The following RANBP2 variants were observed in gnomAD, a reference collection of about 807,000 sequenced individuals.
RANBP2 encodes RAN binding protein 2, also known as E3 SUMO-protein ligase RanBP2.
In RANBP2, 57 loss-of-function variants were observed where a neutral mutation model predicts 303.6. The observed-to-expected ratio is 0.19, with a 90% CI of 0.15 to 0.23. The LOEUF (loss-of-function observed/expected upper bound fraction) is 0.23. RANBP2 is among the 10% of genes least tolerant of loss of function. RANBP2 has a pLI of 1.00. For missense variants in RANBP2, 3,138 were observed against 3,780.8 expected (o/e 0.83, Z 4.46); for synonymous variants, 1,167 against 1,301.5 (o/e 0.90, Z 2.23).
the RANBP2 span, among the ~76,000 whole-genome samples, chr2:109,001,218 G>C: frequency 1.3e-5 from 2 of 152,198 alleles, no homozygotes; most frequent in South Asian, 4.1e-4. Flanking sequence ...TCCTGAGGCT[G>C]AGCTCCAGAC....
At chr2:109,477,452 T>C in the RANBP2 span, among the ~76,000 whole-genome samples, 1 of 152,214 alleles carries the variant, frequency 6.6e-6, no homozygotes, top group Admixed American at 6.5e-5. Context: ...GAAACGGGCA[T>C]AGAGTTCTCC....
chr2:109,336,369 A>C, the RANBP2 span, among the ~76,000 whole-genome samples: 1 of 152,376 alleles, frequency 6.6e-6, no homozygotes, highest in African/African-American at 2.4e-5. Context: ...AATTTCTCAC[A>C]GATAGAACAG....
At chr2:108,856,675 T>G in the RANBP2 span, 1 of 901,312 alleles carries the variant, frequency 1.1e-6, no homozygotes. Flanking sequence ...TGATCTCTTA[T>G]TTAATTTTTG....
At chr2:109,228,384 T>C in the RANBP2 span, among the ~76,000 whole-genome samples, 1 of 152,202 alleles carries the variant, frequency 6.6e-6, no homozygotes, top group African/African-American at 2.4e-5. Flanking sequence ...TGTCACCCTG[T>C]AGAGGAAAAC....
the RANBP2 span, among the ~76,000 whole-genome samples, chr2:109,383,874 C>CA: frequency 6.6e-6 from 1 of 152,180 alleles, no homozygotes; most frequent in Non-Finnish European, 1.5e-5. Flanking sequence ...AGTAATTTCT[C>CA]ATCCCTCAGC....
At chr2:109,370,196 T>G in the RANBP2 span, among the ~76,000 whole-genome samples, 1 of 60,284 alleles carries the variant, frequency 1.7e-5, no homozygotes, top group South Asian at 7.6e-4. Context: ...TGGTGGTCTC[T>G]GTCTCTGTCT....
At chr2:109,210,005 T>C in the RANBP2 span, among the ~76,000 whole-genome samples, 8 of 152,384 alleles carry the variant, frequency 5.2e-5, no homozygotes, top group African/African-American at 1.9e-4. Context: ...ACCTCTGTTA[T>C]ACTTTCTGTC....
the RANBP2 span, among the ~76,000 whole-genome samples, chr2:108,897,911 A>G: frequency 6.6e-6 from 1 of 152,208 alleles, no homozygotes; most frequent in Non-Finnish European, 1.5e-5. Flanking sequence ...CAGACCAACT[A>G]GGGACCTCGA....
the RANBP2 span, among the ~76,000 whole-genome samples, chr2:108,949,503 A>G: frequency 6.6e-6 from 1 of 152,166 alleles, no homozygotes; most frequent in African/African-American, 2.4e-5. Context: ...CTCTATGGGG[A>G]CATCCACTTC....
intron 8 of RANBP2, among the ~76,000 whole-genome samples, chr2:108,747,006 G>T (rs2693114): frequency 2.6e-5 from 4 of 152,178 alleles, no homozygotes; most frequent in Non-Finnish European, 5.9e-5. Context: ...TTTGTTCCTA[G>T]GTGGAGAGGA....
At chr2:109,029,140 A>AAAATAAAT in the RANBP2 span, among the ~76,000 whole-genome samples, 127 of 152,098 alleles carry the variant, frequency 8.3e-4, no homozygotes, top group African/African-American at 3.0e-3. Flanking sequence ...AAAAATAAAT[A>AAAATAAAT]AAATAAATAA....
At chr2:109,607,082 T>A in the RANBP2 span, among the ~76,000 whole-genome samples, 1 of 152,234 alleles carries the variant, frequency 6.6e-6, no homozygotes, top group Non-Finnish European at 1.5e-5. Context: ...TCTCCGCTAA[T>A]CCATGGCCAT....
At chr2:108,953,211 G>C in the RANBP2 span, among the ~76,000 whole-genome samples, 2 of 152,136 alleles carry the variant, frequency 1.3e-5, no homozygotes, top group Non-Finnish European at 2.9e-5. Context: ...TGGCTAAGCC[G>C]ATGCTTCAGA....
the RANBP2 span, among the ~76,000 whole-genome samples, chr2:109,411,329 C>T: frequency 6.6e-6 from 1 of 152,228 alleles, no homozygotes; most frequent in Admixed American, 6.5e-5. Flanking sequence ...AGGCCCCTTT[C>T]CCTGCAGTTA....
chr2:109,172,827 G>A, the RANBP2 span, among the ~76,000 whole-genome samples: 4 of 152,212 alleles, frequency 2.6e-5, no homozygotes, highest in Admixed American at 1.3e-4. Context: ...ACGAAGCCTC[G>A]ACTGGTGAGT....
chr2:109,510,417 G>A, the RANBP2 span, among the ~76,000 whole-genome samples: 1 of 152,202 alleles, frequency 6.6e-6, no homozygotes, highest in Non-Finnish European at 1.5e-5. Context: ...GGGCATGTGG[G>A]GGAGCAGACA....
At chr2:109,249,504 T>TCTTC in the RANBP2 span, among the ~76,000 whole-genome samples, 2 of 30,946 alleles carry the variant, frequency 6.5e-5, no homozygotes, top group Non-Finnish European at 5.3e-5. Flanking sequence ...TTTCTTTCTT[T>TCTTC]CTTTCATTCT....
At chr2:109,499,907 G>A in the RANBP2 span, among the ~76,000 whole-genome samples, 1 of 152,184 alleles carries the variant, frequency 6.6e-6, no homozygotes, top group Admixed American at 6.5e-5. Context: ...GGTTCAATTG[G>A]CACACAAGTG....
chr2:109,549,121 G>C, the RANBP2 span, among the ~76,000 whole-genome samples: 1 of 152,110 alleles, frequency 6.6e-6, no homozygotes, highest in Non-Finnish European at 1.5e-5. Flanking sequence ...GTGTTTAAAG[G>C]GCACACTCCC....
Sources: gnomAD v4.1 joint callset for allele counts (sites outside exome capture counted in the v4.1 genomes callset) on GRCh38, gnomAD v4.1.1 for gene constraint, MANE v1.5 for transcripts, NCBI Gene and HGNC (gene_info 2026-07-23, HGNC 2026-07-21) for gene names.